MORF4L1: variants seen among roughly 807,000 people sequenced by gnomAD.
MORF4L1 encodes mortality factor 4 like 1.
A neutral mutation model predicts 52.9 loss-of-function variants in MORF4L1; 4 were observed. That is an observed-to-expected ratio of 0.08 (90% CI 0.04 to 0.17). The LOEUF (loss-of-function observed/expected upper bound fraction) is 0.17. Among genes scored for constraint, MORF4L1 ranks in the 10% least tolerant of loss-of-function variants. The probability of loss-of-function intolerance (pLI) is 1.00; values close to 1 mark genes in which losing one functional copy is unlikely to be tolerated. For synonymous variants in MORF4L1, 123 were observed against 134.8 expected (o/e 0.91, Z 0.61); for missense variants, 214 against 390.4 (o/e 0.55, Z 3.81).
chr15:78,880,399 A>G (rs1432984923), intron 2 of MORF4L1, 113 bp from the exon 3 acceptor site: 3 of 726,894 alleles, frequency 4.1e-6, no homozygotes, highest in Non-Finnish European at 6.9e-6. Flanking sequence ...GTTCTTAGTC[A>G]TTCTGTTTAG....
At position 78,896,968 on chromosome 15, in the gene MORF4L1, A is replaced by G. The variant is rs367765575; in HGVS notation, c.888-15A>G. On this transcript the variant is annotated splice_polypyrimidine_tract_variant and intron_variant, in intron 11 of 11. Transcript: ENST00000426013. ...TGACCTTTAAAAATTTTTGTAATGA[A>G]TATTTTATTTTTAGGTACCTGGCAA... The G allele has an allele frequency of 2.4e-5, 38 of 1,608,682 alleles. No homozygotes were observed. The African/African-American group carries it at 4.1e-4, about 18-fold the overall frequency.
At chr15:78,878,146 C>T in intron 1 of MORF4L1, 67 bp from the exon 2 acceptor site, 2 of 1,501,188 alleles carry the variant, frequency 1.3e-6, no homozygotes, top group Non-Finnish European at 1.8e-6. Context: ...TGTGATGACT[C>T]TCTAAGATGT....
intron 2 of MORF4L1, 105 bp from the exon 3 acceptor site, chr15:78,880,407 T>G (rs562905091): frequency 4.8e-5 from 37 of 767,312 alleles, no homozygotes; most frequent in Non-Finnish European, 7.5e-5. Context: ...TCATTCTGTT[T>G]AGGCCACCAT....
At chr15:78,878,283 G>A (rs756878532) in intron 2 of MORF4L1, 24 bp downstream of exon 2, 1 of 1,607,344 alleles carries the variant, frequency 6.2e-7, no homozygotes, top group South Asian at 1.1e-5. Context: ...TTTCTTTTGA[G>A]AAGTTGGCCA....
In MORF4L1 at chr15:78,895,491, A is replaced by G. The variant is rs528913376; in HGVS notation, c.887+587A>G. On this transcript the variant is annotated intron_variant, in intron 11 of 11. Coordinates refer to ENST00000426013, the MANE Select transcript of MORF4L1 (RefSeq NM_006791.4). ...GTTTGAAGAAATGGAGAAAAGGGCAATCCTGGTTTCTACAAGTTTTTGGAG... is the reference window on the plus strand; with the variant it reads ...GTTTGAAGAAATGGAGAAAAGGGCAGTCCTGGTTTCTACAAGTTTTTGGAG... Among the ~76,000 whole-genome samples the G allele has an allele frequency of 6.6e-5, 10 of 152,348 alleles. No homozygotes were observed. The South Asian group carries it at 2.1e-3, about 32-fold the overall frequency.
intron 5 of MORF4L1, among the ~76,000 whole-genome samples, chr15:78,887,655 AGCAAGTGCTG>A (rs1192267156): frequency 2.0e-5 from 3 of 152,250 alleles, no homozygotes; most frequent in African/African-American, 7.2e-5. Flanking sequence ...AAACCTAAAA[AGCAAGTGCTG>A]GCAAGTGCTA....
Position 78,873,057 on chromosome 15 carries a change from G to C in MORF4L1, c.40G>C (p.Gly14Arg). 6.4e-7 allele frequency: 1 copy of C among 1,551,998 alleles called. No homozygotes were observed. Among genetic ancestry groups the C allele is most frequent in the Non-Finnish European group, 8.7e-7 (1 of 1,147,028 alleles). ...GGACCCGAAGCCTAAATTCCAGGAG[G>C]GTGAGTGTGCGCCTTTGGGAAAAAG... Reference protein sequence around the residue: ...KQDPKPKFQEGERVLCFHGPL... With the variant: ...KQDPKPKFQERERVLCFHGPL... Residue 14 changes from glycine (G) to arginine (R), a missense_variant and splice_region_variant, in exon 1 of 12, where the codon GGT becomes CGT. This residue lies in a region of MORF4L1 where 32 missense variants were observed against 51.1 expected (regional missense o/e 0.63). Coordinates refer to ENST00000426013, the MANE Select transcript of MORF4L1 (RefSeq NM_006791.4).
intron 3 of MORF4L1, chr15:78,885,164 TAA>T: frequency 8.7e-7 from 1 of 1,147,574 alleles, no homozygotes; most frequent in Non-Finnish European, 1.3e-6. Flanking sequence ...CTGTATTATA[TAA>T]GAGGTCAGAG....
At chr15:78,891,824 G>T in intron 7 of MORF4L1, 1 of 450,314 alleles carries the variant, frequency 2.2e-6, no homozygotes, top group Non-Finnish European at 3.9e-6. Flanking sequence ...TTTCTTTGGT[G>T]TTACGTATTT....
Position 78,894,913 on chromosome 15 carries a change from G to T in MORF4L1, c.887+9G>T. 1 of 1,603,186 alleles carries T rather than the reference G, an allele frequency of 6.2e-7. No individual in the cohort carries two copies. The highest frequency in any genetic ancestry group is 8.5e-7 in the Non-Finnish European group (1 of 1,170,132). ...CTTCACGATTTCCTAAAGTAAGTCT[G>T]TGCTTGAAATTATAAACATGGATTT... On this transcript the variant is annotated intron_variant, in intron 11 of 11. Transcript: ENST00000426013.
intron 1 of MORF4L1, 42 bp downstream of exon 1, chr15:78,873,099 G>GA: frequency 6.5e-7 from 1 of 1,549,588 alleles, no homozygotes; most frequent in Non-Finnish European, 8.7e-7. Context: ...AACGGCGCAG[G>GA]AGATAGAGGC....
chr15:78,876,531 G>C, intron 1 of MORF4L1: 1 of 455,950 alleles, frequency 2.2e-6, no homozygotes, highest in Non-Finnish European at 4.4e-6. Flanking sequence ...AGGTCACAGG[G>C]CCTCGGTTTC....
intron 4 of MORF4L1, among the ~76,000 whole-genome samples, chr15:78,886,823 C>T (rs949278563): frequency 3.3e-5 from 5 of 151,924 alleles, no homozygotes; most frequent in Non-Finnish European, 7.4e-5. Context: ...GGCATGGTGG[C>T]GGGCGCCTGT....
chr15:78,894,433 C>T (rs2056850820), intron 10 of MORF4L1: 1 of 355,690 alleles, frequency 2.8e-6, no homozygotes. Context: ...TTTTTTGAGA[C>T]AGACAGTCTC....
intron 11 of MORF4L1, among the ~76,000 whole-genome samples, chr15:78,895,622 C>T (rs907227375): frequency 3.9e-5 from 6 of 152,114 alleles, no homozygotes; most frequent in Admixed American, 2.6e-4. Context: ...GAAAAACAGC[C>T]AAGCTGTAGT....
intron 3 of MORF4L1, among the ~76,000 whole-genome samples, chr15:78,883,307 T>C (rs116499216): frequency 1.2e-3 from 189 of 152,146 alleles, no homozygotes; most frequent in African/African-American, 4.5e-3. Flanking sequence ...CCTTAAAAAA[T>C]TATTTTAGAA....
intron 11 of MORF4L1, among the ~76,000 whole-genome samples, chr15:78,895,396 T>C (rs138942239): frequency 2.6e-5 from 4 of 152,286 alleles, no homozygotes; most frequent in African/African-American, 7.2e-5. Flanking sequence ...ATTAAAAATA[T>C]GTCAGAAATA....
Position 78,890,905 on chromosome 15 carries a change from G to C in MORF4L1, c.324-84G>C, listed in dbSNP as rs2056789719. 1.2e-5 allele frequency: 15 copies of C among 1,246,096 alleles called. No individual in the cohort carries two copies. In the South Asian group the frequency reaches 2.3e-4, roughly 19 times the overall value. 77.2% of individuals were successfully genotyped at this position (1,246,096 alleles called of 1,614,324 possible). On this transcript the variant is annotated intron_variant, in intron 5 of 11. Coordinates refer to ENST00000426013, the MANE Select transcript of MORF4L1 (RefSeq NM_006791.4). ...CCTTTATCCAAGTTAGTATTTCTCTGTGAACTTAACCCTGATAAAGGGAGT... is the reference window on the plus strand; with the variant it reads ...CCTTTATCCAAGTTAGTATTTCTCTCTGAACTTAACCCTGATAAAGGGAGT...
chr15:78,885,604 C>G (rs1211876911), intron 3 of MORF4L1, among the ~76,000 whole-genome samples: 1 of 152,220 alleles, frequency 6.6e-6, no homozygotes, highest in Non-Finnish European at 1.5e-5. Flanking sequence ...TAATATGTTT[C>G]TGACATACCT....
Sources: gnomAD v4.1 joint callset for allele counts (sites outside exome capture counted in the v4.1 genomes callset) on GRCh38, gnomAD v4.1.1 for gene constraint, gnomAD v4.1.1 regional missense constraint, MANE v1.5 for transcripts, NCBI Gene and HGNC (gene_info 2026-07-23, HGNC 2026-07-21) for gene names.